Variants in PIGF observed in about 807,000 individuals in gnomAD.
PIGF encodes the protein phosphatidylinositol glycan anchor biosynthesis class F, also known as GPI ethanolamine phosphate transferase, stabilizing subunit.
Under a neutral mutation model 26.0 loss-of-function variants are expected in PIGF, and 23 were observed. The observed-to-expected ratio is 0.88, with a 90% CI of 0.64 to 1.25. PIGF has a LOEUF of 1.25. Among genes scored for constraint, PIGF ranks in the 50% most tolerant of loss-of-function variants. The pLI is 0.00. For missense variants in PIGF, 278 were observed against 249.9 expected (o/e 1.11, Z -0.76); for synonymous variants, 93 against 92.6 (o/e 1.00, Z -0.03).
At chr2:46,602,569 T>A (rs1572778622) in intron 4 of PIGF, among the ~76,000 whole-genome samples, 2 of 151,896 alleles carry the variant, frequency 1.3e-5, no homozygotes, top group Non-Finnish European at 1.5e-5. Flanking sequence ...AAAAGGGCTG[T>A]CTTTAAGTTA....
chr2:46,593,919 C>T (rs1169171769), intron 4 of PIGF, among the ~76,000 whole-genome samples: 1 of 152,234 alleles, frequency 6.6e-6, no homozygotes, highest in African/African-American at 2.4e-5. Flanking sequence ...CCTCTATCAT[C>T]CTCCATCTCA....
At chr2:46,581,783 G>C (rs1259544155) in intron 5 of PIGF, 192 bp from the exon 6 acceptor site, 13 of 693,600 alleles carry the variant, frequency 1.9e-5, no homozygotes, top group Non-Finnish European at 2.5e-5. Context: ...GCATTAAACT[G>C]TAACAAGGCT....
intron 5 of PIGF, among the ~76,000 whole-genome samples, chr2:46,584,445 T>C (rs1669502406): frequency 6.6e-6 from 1 of 152,196 alleles, no homozygotes; most frequent in Non-Finnish European, 1.5e-5. Flanking sequence ...GGTTACTAAA[T>C]TGTATTTTAA....
intron 4 of PIGF, among the ~76,000 whole-genome samples, chr2:46,599,081 G>C (rs944827453): frequency 2.6e-5 from 4 of 152,184 alleles, no homozygotes; most frequent in Admixed American, 2.0e-4. Flanking sequence ...AAGGGGCTAG[G>C]TGTAAGGTGG....
chr2:46,603,335 T>C (rs1670118609), intron 4 of PIGF, among the ~76,000 whole-genome samples: 1 of 152,040 alleles, frequency 6.6e-6, no homozygotes, highest in Admixed American at 6.6e-5. Flanking sequence ...ACCAACACTA[T>C]TCTTCACATA....
chr2:46,614,769 T>C lies in PIGF; in HGVS notation c.228+168A>G, dbSNP rs138058269. ...TGCAAGGCAAGGATCAATCAAACATTGTGGGCAGCCTTCCACCAAGTAACA... is the reference window on the plus strand; with the variant it reads ...TGCAAGGCAAGGATCAATCAAACATCGTGGGCAGCCTTCCACCAAGTAACA... On this transcript the variant is annotated intron_variant, in intron 2 of 5. Transcript: ENST00000281382. 1.4e-3 allele frequency: 750 copies of C among 547,238 alleles called. 5 individuals are homozygous for C. Among genetic ancestry groups the C allele is most frequent in the African/African-American group, 0.013 (669 of 52,998 alleles). The allele number at this position is 547,238 out of a possible 1,614,324, so 33.9% of individuals were successfully genotyped here.
chr2:46,612,594 A>T (rs1453309615), intron 3 of PIGF, among the ~76,000 whole-genome samples: 1 of 152,212 alleles, frequency 6.6e-6, no homozygotes, highest in Non-Finnish European at 1.5e-5. Flanking sequence ...CCATGCTGAG[A>T]CTTTCACTGC....
chr2:46,600,354 A>G (rs11679143), intron 4 of PIGF, among the ~76,000 whole-genome samples: 1,970 of 152,310 alleles, frequency 0.013, 22 homozygotes, highest in Non-Finnish European at 0.02. Context: ...TTACTCAAGT[A>G]ATCTAGTCTA....
chr2:46,588,378 A>AT lies in PIGF; in HGVS notation c.546+4096dup. 1 of 659,064 alleles carries AT rather than the reference A, an allele frequency of 1.5e-6. No individual in the cohort carries two copies. The highest frequency in any genetic ancestry group is 2.3e-6 in the Non-Finnish European group (1 of 425,738). 40.8% of individuals were successfully genotyped at this position (659,064 alleles called of 1,614,324 possible). ...AACTCAAATAAATCATGGAATTTGC[A>AT]TTTTTTGAAGGCTAAAAATATAGTC... is the stretch of plus-strand genomic sequence containing the variant. On this transcript the variant is annotated intron_variant, in intron 5 of 5. Transcript: ENST00000281382. The surrounding 1 kb of genome is among the most constrained non-coding windows in gnomAD (Gnocchi z 4.1).
intron 5 of PIGF, among the ~76,000 whole-genome samples, chr2:46,587,887 G>A (rs936767799): frequency 6.6e-6 from 1 of 152,156 alleles, no homozygotes; most frequent in Non-Finnish European, 1.5e-5. Flanking sequence ...AGAGACCTAA[G>A]CTATGACCAT....
intron 4 of PIGF, among the ~76,000 whole-genome samples, chr2:46,606,441 T>C (rs566759541): frequency 2.1e-4 from 32 of 152,314 alleles, no homozygotes; most frequent in African/African-American, 7.7e-4. Flanking sequence ...TCTGTTTTTA[T>C]GTGTTTAGTT....
At chr2:46,583,414 G>A (rs1006880759) in intron 5 of PIGF, among the ~76,000 whole-genome samples, 1 of 151,988 alleles carries the variant, frequency 6.6e-6, no homozygotes, top group African/African-American at 2.4e-5. Flanking sequence ...TACCTTTTCA[G>A]CTTCACATTC....
intron 4 of PIGF, among the ~76,000 whole-genome samples, chr2:46,607,561 C>G (rs1179749773): frequency 1.3e-5 from 2 of 152,160 alleles, no homozygotes; most frequent in African/African-American, 4.8e-5. Context: ...TTTAAAAATA[C>G]TTTATTACTA....
intron 4 of PIGF, among the ~76,000 whole-genome samples, chr2:46,604,046 G>A (rs961130464): frequency 6.6e-6 from 1 of 151,824 alleles, no homozygotes; most frequent in African/African-American, 2.4e-5. Context: ...TTTACAAATG[G>A]GCAAAAGATC....
chr2:46,594,148 C>A (rs1558702500), intron 4 of PIGF, among the ~76,000 whole-genome samples: 1 of 152,134 alleles, frequency 6.6e-6, no homozygotes, highest in Non-Finnish European at 1.5e-5. Flanking sequence ...AAAAACTGGC[C>A]AAGTTCAATG....
intron 2 of PIGF, 93 bp downstream of exon 2, chr2:46,614,844 A>G: frequency 1.1e-5 from 7 of 652,028 alleles, no homozygotes; most frequent in South Asian, 2.0e-5. Context: ...CTCACTATAA[A>G]TAAGCTAATA....
chr2:46,606,742 C>T (rs988213094), intron 4 of PIGF, among the ~76,000 whole-genome samples: 3 of 152,134 alleles, frequency 2.0e-5, no homozygotes, highest in Non-Finnish European at 4.4e-5. Context: ...AATCCCGCTC[C>T]AAGGCATACC....
chr2:46,607,014 A>G (rs189565248), intron 4 of PIGF, among the ~76,000 whole-genome samples: 168 of 152,378 alleles, frequency 1.1e-3, no homozygotes, highest in Admixed American at 4.3e-3. Flanking sequence ...AAAAGATCAC[A>G]TAAGACCCAA....
At chr2:46,607,715 G>C (rs1670269261) in intron 4 of PIGF, among the ~76,000 whole-genome samples, 1 of 151,008 alleles carries the variant, frequency 6.6e-6, no homozygotes, top group Admixed American at 6.6e-5. Context: ...TTTTTTTTAA[G>C]ACTGAGTCTC....
Sources: allele counts gnomAD v4.1 joint callset (sites outside exome capture counted in the v4.1 genomes callset), GRCh38; gene constraint gnomAD v4.1.1; non-coding constraint Gnocchi (gnomAD v3.1); transcripts MANE v1.5; gene names NCBI Gene and HGNC (gene_info 2026-07-23, HGNC 2026-07-21).